Variants in LNX1 observed in about 807,000 individuals in gnomAD.
LNX1 encodes the protein E3 ubiquitin-protein ligase LNX.
A neutral mutation model predicts 68.4 loss-of-function variants in LNX1; 54 were observed. The ratio of observed to expected loss-of-function variants is 0.79; its 90% CI spans 0.63 to 0.99. The LOEUF (loss-of-function observed/expected upper bound fraction) is 0.99. Among genes scored for constraint, LNX1 ranks in the 50% least tolerant of loss-of-function variants. The pLI, the probability that LNX1 is intolerant of heterozygous loss-of-function variation, is 0.00. For synonymous variants in LNX1, 336 were observed against 350.0 expected (o/e 0.96, Z 0.45); for missense variants, 906 against 926.4 (o/e 0.98, Z 0.29).
intron 1 of LNX1, among the ~76,000 whole-genome samples, chr4:53,648,261 A>G (rs1327369494): frequency 1.3e-5 from 2 of 152,160 alleles, no homozygotes; most frequent in African/African-American, 4.8e-5. Flanking sequence ...CCTTCACAAC[A>G]TTGGTTATTT....
At chr4:53,489,511 G>C (rs1293590599) in intron 6 of LNX1, among the ~76,000 whole-genome samples, 3 of 152,064 alleles carry the variant, frequency 2.0e-5, no homozygotes, top group Non-Finnish European at 4.4e-5. Flanking sequence ...CCTTGCCTCA[G>C]ACACCATTTC....
intron 2 of LNX1, among the ~76,000 whole-genome samples, chr4:53,529,102 A>AACACAC (rs201017055): frequency 0.029 from 4,067 of 138,358 alleles, 142 homozygotes; most frequent in African/African-American, 0.077. Flanking sequence ...AGTCCTGACC[A>AACACAC]ACACACACAC....
chr4:53,574,079 A>G lies in LNX1; in HGVS notation c.-77T>C. Reference sequence around the variant, plus strand: ...AGGAGCAAGTCAAGATCTAGGAGACATCCACACACCTAAAAAAGAACAAGA... The same window carrying G: ...AGGAGCAAGTCAAGATCTAGGAGACGTCCACACACCTAAAAAAGAACAAGA... On this transcript the variant is annotated 5_prime_UTR_variant, in exon 2 of 11. The change abolishes an upstream ATG in the 5' untranslated region. Transcript: ENST00000263925. 2.0e-6 allele frequency: 3 copies of G among 1,516,808 alleles called. No individual in the cohort carries two copies. The highest frequency in any genetic ancestry group is 2.7e-5 in the South Asian group (2 of 73,146). The allele number at this position is 1,516,808 out of a possible 1,614,324, so 94.0% of individuals were successfully genotyped here.
At chr4:53,650,804 G>T (rs1317881861) in intron 1 of LNX1, among the ~76,000 whole-genome samples, 1 of 151,978 alleles carries the variant, frequency 6.6e-6, no homozygotes, top group Non-Finnish European at 1.5e-5. Context: ...GTCATTAGTT[G>T]CACACAACTA....
intron 2 of LNX1, among the ~76,000 whole-genome samples, chr4:53,534,305 C>T (rs565931277): frequency 6.6e-6 from 1 of 152,050 alleles, no homozygotes; most frequent in Non-Finnish European, 1.5e-5. Flanking sequence ...GGGTAGGGGC[C>T]CATCTTCAAC....
At chr4:53,582,717 GT>G (rs910564240) in intron 1 of LNX1, among the ~76,000 whole-genome samples, 12 of 148,888 alleles carry the variant, frequency 8.1e-5, no homozygotes, top group East Asian at 2.0e-4. Flanking sequence ...TTGTTTTTTT[GT>G]TTTTTTTTTA....
intron 1 of LNX1, among the ~76,000 whole-genome samples, chr4:53,580,625 T>C (rs76413910): frequency 2.1e-3 from 319 of 152,126 alleles, no homozygotes; most frequent in African/African-American, 7.4e-3. Flanking sequence ...AGTAAAAAGG[T>C]AGAAATGAAG....
intron 2 of LNX1, among the ~76,000 whole-genome samples, chr4:53,600,664 ACAC>A (rs1732959379): frequency 6.6e-6 from 1 of 152,088 alleles, no homozygotes; most frequent in Non-Finnish European, 1.5e-5. Context: ...GCATGTGAAG[ACAC>A]CCCTTTTTAA....
At chr4:53,469,909 A>G (rs1276573884) in intron 9 of LNX1, among the ~76,000 whole-genome samples, 3 of 152,102 alleles carry the variant, frequency 2.0e-5, no homozygotes, top group African/African-American at 7.2e-5. Context: ...TTCTACCAGA[A>G]GTACAAGGAG....
At chr4:53,542,262 C>G (rs17082994) in intron 2 of LNX1, among the ~76,000 whole-genome samples, 10,622 of 152,156 alleles carry the variant, frequency 0.07, 801 homozygotes, top group African/African-American at 0.19. Flanking sequence ...GGACAGTTTG[C>G]ATTTAAATGA....
chr4:53,496,342 A>G lies in LNX1; in HGVS notation c.1031T>C (p.Leu344Pro). 3 of 1,614,156 alleles carry G rather than the reference A, an allele frequency of 1.9e-6. No individual in the cohort carries two copies. The highest frequency in any genetic ancestry group is 2.5e-6 in the Non-Finnish European group (3 of 1,180,028). The change falls in exon 6 of 11, where the codon CTG (leucine) becomes CCG (proline). Residue 344 changes from leucine (L) to proline (P), a missense_variant. By Grantham distance (98) the Leu-to-Pro change is moderately conservative. Transcript: ENST00000263925. ...NVPHNYAVRL[L>P]RQPCQVLWLT... is the part of the protein sequence containing the mutation. ...CCACAGCACCTGGCAGGGCTGCCGC[A>G]GGAGACGCACAGCGTAGTTGTGAGG...
At chr4:53,591,256 G>T in intron 1 of LNX1, 132 bp downstream of exon 1, 1 of 344,940 alleles carries the variant, frequency 2.9e-6, no homozygotes, top group Non-Finnish European at 4.1e-6. Context: ...TCTCAAAAAA[G>T]CTTCTCCCTC....
In LNX1 at chr4:53,461,031, A is replaced by T; in HGVS notation, c.2063T>A (p.Ile688Asn). The T allele has an allele frequency of 6.4e-7, 1 of 1,570,384 alleles. No homozygotes were observed. The highest frequency in any genetic ancestry group is 1.7e-4 in the Middle Eastern group (1 of 5,906). Residue 688 changes from isoleucine to asparagine, a missense_variant, in exon 11 of 11, where the codon ATT becomes AAT. Transcript: ENST00000263925. ...YNDGRIRCGD[I>N]LLAVNGRSTS... is the part of the protein sequence containing the mutation. ...ACTTCTACCATTGACAGCAAGAAGAATATCACCACATCTAAAAAAAAAAAC... is the reference window on the plus strand; with the variant it reads ...ACTTCTACCATTGACAGCAAGAAGATTATCACCACATCTAAAAAAAAAAAC...
At chr4:53,623,314 C>T (rs1251768376) in intron 1 of LNX1, among the ~76,000 whole-genome samples, 2 of 151,792 alleles carry the variant, frequency 1.3e-5, no homozygotes, top group East Asian at 3.9e-4. Context: ...AGTGATCCTC[C>T]CACCTCAGTT....
chr4:53,592,126 T>G (rs1732537395), upstream of LNX1, among the ~76,000 whole-genome samples: 1 of 152,068 alleles, frequency 6.6e-6, no homozygotes, highest in Non-Finnish European at 1.5e-5. Context: ...ATTCAGGAAT[T>G]TGCAAAACTT....
At chr4:53,486,504 C>CCT (rs1490070179) in intron 6 of LNX1, among the ~76,000 whole-genome samples, 1 of 152,172 alleles carries the variant, frequency 6.6e-6, no homozygotes, top group Admixed American at 6.5e-5. Flanking sequence ...GGCTGATCTG[C>CCT]CTGCCCTGGG....
intron 2 of LNX1, among the ~76,000 whole-genome samples, chr4:53,533,289 C>A (rs550083236): frequency 7.2e-5 from 11 of 152,272 alleles, no homozygotes; most frequent in African/African-American, 2.6e-4. Flanking sequence ...GCCCGAGGAG[C>A]TTGGTAAAAA....
intron 1 of LNX1, among the ~76,000 whole-genome samples, chr4:53,624,844 A>G (rs1469135384): frequency 6.6e-6 from 1 of 152,196 alleles, no homozygotes; most frequent in Non-Finnish European, 1.5e-5. Flanking sequence ...CATTTTCTGG[A>G]TTCTTCAATA....
intron 1 of LNX1, among the ~76,000 whole-genome samples, chr4:53,649,132 G>A (rs922833787): frequency 1.3e-5 from 2 of 152,148 alleles, no homozygotes; most frequent in African/African-American, 4.8e-5. Flanking sequence ...CAACTTCAGA[G>A]TTTCTTTTAC....
Sources: gnomAD v4.1 joint callset for allele counts (sites outside exome capture counted in the v4.1 genomes callset) on GRCh38, gnomAD v4.1.1 for gene constraint, MANE v1.5 for transcripts, NCBI Gene and HGNC (gene_info 2026-07-23, HGNC 2026-07-21) for gene names.